The following FOXP2 variants were observed in gnomAD, a reference collection of about 807,000 sequenced individuals.
FOXP2 encodes forkhead box protein P2.
Under a neutral mutation model 115.8 loss-of-function variants are expected in FOXP2, and 12 were observed. The observed-to-expected ratio is 0.10, with a 90% confidence interval of 0.07 to 0.17. The LOEUF (loss-of-function observed/expected upper bound fraction) is 0.17, where lower values mean the gene tolerates loss of function less well. Among genes scored for constraint, FOXP2 ranks in the 10% least tolerant of loss-of-function variants. The pLI is 1.00. For synonymous variants in FOXP2, 328 were observed against 297.7 expected (o/e 1.10, Z -1.05); for missense variants, 629 against 843.5 (o/e 0.75, Z 3.15).
chr7:114,324,998 A>G (rs1224760649), intron 2 of FOXP2, among the ~76,000 whole-genome samples: 1 of 151,896 alleles, frequency 6.6e-6, no homozygotes, highest in Admixed American at 6.6e-5. Flanking sequence ...AAATAATCAT[A>G]TCATGGAGAA....
At position 114,692,337 on chromosome 7, in the gene FOXP2, A is replaced by G. The variant is rs1352215865; in HGVS notation, c.*2411A>G. 1 of 453,976 alleles carries G rather than the reference A, an allele frequency of 2.2e-6. No individual in the cohort carries two copies. The highest frequency in any genetic ancestry group is 6.9e-5 in the East Asian group (1 of 14,390). 28.1% of individuals were successfully genotyped at this position (453,976 alleles called of 1,614,324 possible). On this transcript the variant is annotated 3_prime_UTR_variant, in exon 17 of 17. Coordinates refer to ENST00000350908, the MANE Select transcript of FOXP2 (RefSeq NM_014491.4). The stretch of plus-strand genomic sequence containing the variant: ...ACCTGTAGAGTTTTGCATGGGTTTT[A>G]TATGAATACAATTTTAAAAAATAGC...
chr7:114,123,654 A>G (rs1791627241), intron 1 of FOXP2, among the ~76,000 whole-genome samples: 1 of 152,112 alleles, frequency 6.6e-6, no homozygotes, highest in Non-Finnish European at 1.5e-5. Context: ...CTAGTTATGT[A>G]TTACATATTT....
At chr7:114,597,317 A>G (rs924908893) in intron 3 of FOXP2, among the ~76,000 whole-genome samples, 15 of 152,238 alleles carry the variant, frequency 9.9e-5, no homozygotes, top group African/African-American at 3.6e-4. Flanking sequence ...CTTTGAAGGC[A>G]AACTATGCAA....
intron 1 of FOXP2, among the ~76,000 whole-genome samples, chr7:114,164,576 G>C (rs978749813): frequency 6.6e-6 from 1 of 151,866 alleles, no homozygotes; most frequent in Admixed American, 6.6e-5. Flanking sequence ...TCTTGACCTT[G>C]TGATCCGCCC....
chr7:114,132,414 T>TA (rs1368020783), intron 1 of FOXP2, among the ~76,000 whole-genome samples: 2 of 151,926 alleles, frequency 1.3e-5, no homozygotes, highest in African/African-American at 4.8e-5. Context: ...GAACAAAACA[T>TA]AAAAAAATCA....
chr7:114,290,770 C>A (rs1796571365), intron 2 of FOXP2, among the ~76,000 whole-genome samples: 1 of 152,040 alleles, frequency 6.6e-6, no homozygotes, highest in South Asian at 2.1e-4. Flanking sequence ...CCAATACAAA[C>A]CTACCTTATA....
At chr7:114,618,294 G>A (rs1465668680) in intron 3 of FOXP2, among the ~76,000 whole-genome samples, 1 of 152,062 alleles carries the variant, frequency 6.6e-6, no homozygotes, top group Non-Finnish European at 1.5e-5. Context: ...AGCCAGTGTT[G>A]GAGGAATACA....
intron 2 of FOXP2, among the ~76,000 whole-genome samples, chr7:114,363,023 C>A (rs925931666): frequency 1.7e-4 from 26 of 151,906 alleles, no homozygotes; most frequent in African/African-American, 6.3e-4. Context: ...ATGTGACTAT[C>A]TAATTTAAGT....
At chr7:114,567,255 G>A (rs992654577) in intron 3 of FOXP2, among the ~76,000 whole-genome samples, 1 of 152,012 alleles carries the variant, frequency 6.6e-6, no homozygotes, top group African/African-American at 2.4e-5. Context: ...TAAATGTTAA[G>A]TATATGGGTA....
chr7:114,226,015 A>C lies in FOXP2; in HGVS notation c.-101-62004A>C, dbSNP rs147700646. On this transcript the variant is annotated intron_variant, in intron 1 of 17. Coordinates refer to the FOXP2 transcript ENST00000634411. ...TGAACTGCACTTGTTAACTTTAGGAATCACACAGGTGGTTGTCATAGAACA... is the reference window on the plus strand; with the variant it reads ...TGAACTGCACTTGTTAACTTTAGGACTCACACAGGTGGTTGTCATAGAACA... Among the ~76,000 whole-genome samples, 36 of 152,266 alleles carry C rather than the reference A, an allele frequency of 2.4e-4. No homozygotes were observed. The East Asian group carries it at 7.0e-3, about 29-fold the overall frequency.
At chr7:114,648,819 T>C (rs1806066361) in intron 8 of FOXP2, among the ~76,000 whole-genome samples, 2 of 152,196 alleles carry the variant, frequency 1.3e-5, no homozygotes, top group South Asian at 4.1e-4. Flanking sequence ...AAGTGACCCA[T>C]AAATTAGAAT....
At chr7:114,478,227 T>G (rs1796373344) in intron 2 of FOXP2, among the ~76,000 whole-genome samples, 1 of 151,866 alleles carries the variant, frequency 6.6e-6, no homozygotes, top group Non-Finnish European at 1.5e-5. Context: ...ATGAGTATGT[T>G]GAATGGGAAT....
chr7:114,594,735 C>T (rs183193631), intron 3 of FOXP2, among the ~76,000 whole-genome samples: 40 of 152,100 alleles, frequency 2.6e-4, no homozygotes, highest in Middle Eastern at 3.4e-3. Context: ...TGTTGAAATA[C>T]ACTATATTGC....
intron 2 of FOXP2, among the ~76,000 whole-genome samples, chr7:114,428,112 CTAAG>C (rs887247526): frequency 6.6e-6 from 1 of 151,464 alleles, no homozygotes; most frequent in African/African-American, 2.4e-5. Flanking sequence ...CCTAATTTCC[CTAAG>C]TGAGAGTCCT....
At chr7:114,328,413 T>G (rs1477158845) in intron 2 of FOXP2, among the ~76,000 whole-genome samples, 1 of 151,900 alleles carries the variant, frequency 6.6e-6, no homozygotes, top group African/African-American at 2.4e-5. Context: ...ATTTTTTGTA[T>G]TTTTGGTAGA....
intron 3 of FOXP2, among the ~76,000 whole-genome samples, chr7:114,582,147 T>G (rs1801904584): frequency 6.6e-6 from 1 of 152,130 alleles, no homozygotes; most frequent in African/African-American, 2.4e-5. Context: ...AAACAAGGTC[T>G]GAAACATGAT....
intron 3 of FOXP2, among the ~76,000 whole-genome samples, chr7:114,564,267 A>G (rs185910782): frequency 6.6e-4 from 101 of 152,044 alleles, no homozygotes; most frequent in African/African-American, 2.1e-3. Context: ...CTTTTTCCCA[A>G]GCAATGAATT....
At position 114,143,819 on chromosome 7, in the gene FOXP2, C is replaced by CT. The variant is rs879609706; in HGVS notation, c.-246-19113dup. Among the ~76,000 whole-genome samples, 85 of 144,742 alleles carry CT rather than the reference C, an allele frequency of 5.9e-4. 1 individual carries two copies. Among genetic ancestry groups the CT allele is most frequent in the Middle Eastern group, 3.6e-3 (1 of 276 alleles). 95.0% of individuals were successfully genotyped at this position (144,742 alleles called of 152,430 possible). ...CCACAAATGATTATTTGAATGTTTA[C>CT]TTTTTTTTTTTTGCTTTGAAAACCA... On this transcript the variant is annotated intron_variant, in intron 1 of 19. Transcript: ENST00000635638.
chr7:114,172,288 C>T (rs937391308), intron 1 of FOXP2, among the ~76,000 whole-genome samples: 2 of 152,020 alleles, frequency 1.3e-5, no homozygotes, highest in Admixed American at 6.6e-5. Context: ...CCAAGGTATG[C>T]CTGTATATGA....
Sources: gnomAD v4.1 joint callset for allele counts (sites outside exome capture counted in the v4.1 genomes callset) on GRCh38, gnomAD v4.1.1 for gene constraint, MANE v1.5 for transcripts, NCBI Gene and HGNC (gene_info 2026-07-23, HGNC 2026-07-21) for gene names.